KMT2E: variants seen among roughly 807,000 people sequenced by gnomAD.
The protein encoded by KMT2E is lysine methyltransferase 2E (inactive).
KMT2E carries 30 observed loss-of-function variants against 184.6 expected under a neutral mutation model. The observed-to-expected ratio is 0.16, with a 90% CI of 0.12 to 0.22. The LOEUF (loss-of-function observed/expected upper bound fraction) is 0.22, where lower values mean the gene tolerates loss of function less well. Ranked by LOEUF, KMT2E falls within the 10% of genes least tolerant of loss-of-function variation. The pLI, the probability that KMT2E is intolerant of heterozygous loss-of-function variation, is 1.00. For synonymous variants in KMT2E, 815 were observed against 776.5 expected (o/e 1.05, Z -0.82); for missense variants, 2,023 against 2,237.4 (o/e 0.90, Z 1.93).
chr7:105,056,686 T>A (rs1378562176), intron 3 of KMT2E, among the ~76,000 whole-genome samples: 1 of 152,244 alleles, frequency 6.6e-6, no homozygotes, highest in Non-Finnish European at 1.5e-5. Flanking sequence ...TATTGTGAAC[T>A]AAAGTTATAA....
At chr7:105,077,652 C>T in intron 11 of KMT2E, 1 of 451,324 alleles carries the variant, frequency 2.2e-6, no homozygotes, top group East Asian at 4.0e-5. Context: ...GTCTCTTGCT[C>T]ATGTCTGTCT....
chr7:105,101,581 GTTATTCAGGTATTAT>G lies in KMT2E; in HGVS notation c.1887+3_1887+17del. ...TACACAGATTGTCAGTGATGCTGAA[GTTATTCAGGTATTAT>G]TTATTCAGGTCGTTTTATTTTCTTA... On this transcript the variant is annotated splice_donor_variant and splice_donor_5th_base_variant and coding_sequence_variant and intron_variant, in exon 16 of 27. Coordinates refer to ENST00000311117, the MANE Select transcript of KMT2E (RefSeq NM_182931.3). LOFTEE classifies it high-confidence loss of function. The G allele has an allele frequency of 6.5e-7, 1 of 1,538,944 alleles. No individual in the cohort carries two copies.
chr7:105,077,149 T>A lies in KMT2E; in HGVS notation c.955T>A (p.Ser319Thr). 5 of 1,613,928 alleles carry A rather than the reference T, an allele frequency of 3.1e-6. No individual in the cohort carries two copies. Among genetic ancestry groups the A allele is most frequent in the Non-Finnish European group, 4.2e-6 (5 of 1,179,934 alleles). The change falls in exon 10 of 27, where the codon TCC becomes ACC. Residue 319 changes from serine (S) to threonine (T), a missense_variant. Transcript: ENST00000311117. ...NGNDKKEMNK[S>T]DLNTNNLLFK... ...AAATGACAAAAAAGAGATGAATAAA[T>A]CCGATTTGAATACCAACAATTTGCT... is the stretch of plus-strand genomic sequence containing the variant.
At chr7:105,058,833 A>G (rs1796677281) in intron 3 of KMT2E, among the ~76,000 whole-genome samples, 1 of 152,218 alleles carries the variant, frequency 6.6e-6, no homozygotes, top group East Asian at 1.9e-4. Context: ...TGCAATGAAT[A>G]TCTTTTGGGA....
chr7:105,071,580 GTGT>G (rs1797295714), intron 6 of KMT2E, among the ~76,000 whole-genome samples: 1 of 64,968 alleles, frequency 1.5e-5, no homozygotes, highest in South Asian at 5.1e-4. Context: ...GTATGTGTGT[GTGT>G]ATATATATAT....
intron 3 of KMT2E, among the ~76,000 whole-genome samples, chr7:105,052,080 T>G (rs1796374972): frequency 6.6e-6 from 1 of 152,190 alleles, no homozygotes; most frequent in Non-Finnish European, 1.5e-5. Context: ...TTCTCCCACT[T>G]AAAAAGCTTC....
chr7:105,020,870 AT>A (rs1397678364), intron 1 of KMT2E, among the ~76,000 whole-genome samples: 1 of 152,200 alleles, frequency 6.6e-6, no homozygotes, highest in Admixed American at 6.5e-5. Context: ...AGAATTAACC[AT>A]TACCACTTAG....
intron 17 of KMT2E, chr7:105,104,623 A>T (rs967760157): frequency 4.5e-4 from 68 of 151,938 alleles, no homozygotes; most frequent in African/African-American, 1.6e-3. Context: ...TGAGCCCAGG[A>T]GGTCGAGGCT....
chr7:105,059,724 T>A (rs868740954), intron 3 of KMT2E, among the ~76,000 whole-genome samples: 31 of 152,104 alleles, frequency 2.0e-4, no homozygotes, highest in African/African-American at 7.2e-4. Context: ...TATTTTCGGA[T>A]TTTAAAAAGC....
intron 15 of KMT2E, among the ~76,000 whole-genome samples, chr7:105,095,354 A>G (rs1346145218): frequency 6.6e-6 from 1 of 152,168 alleles, no homozygotes; most frequent in Non-Finnish European, 1.5e-5. Flanking sequence ...GCTTATGACA[A>G]AGTTTCATGG....
chr7:105,070,794 CAG>C (rs1797252961), intron 6 of KMT2E, among the ~76,000 whole-genome samples: 1 of 151,590 alleles, frequency 6.6e-6, no homozygotes, highest in Admixed American at 6.6e-5. Context: ...GCCTGGGCAA[CAG>C]AGGGAGACCC....
At chr7:105,022,836 G>A (rs1415584999) in intron 1 of KMT2E, among the ~76,000 whole-genome samples, 1 of 152,092 alleles carries the variant, frequency 6.6e-6, no homozygotes, top group African/African-American at 2.4e-5. Flanking sequence ...TTGGGATTGT[G>A]GGAGTTTCGT....
rs552422221 is a variant in KMT2E at position 105,031,351 on chromosome 7, C to A, written c.-188-6775C>A. On this transcript the variant is annotated intron_variant, in intron 1 of 26. Coordinates refer to ENST00000311117, the MANE Select transcript of KMT2E (RefSeq NM_182931.3). ...CAGCCTGGGCAACAAGAGCAAACTC[C>A]GTCTGAGGATTGGGGGGGTGGTGGG... Among the ~76,000 whole-genome samples, 42 of 105,364 alleles carry A rather than the reference C, an allele frequency of 4.0e-4. No homozygotes were observed. The South Asian group carries it at 1.0e-2, about 25-fold the overall frequency. The allele number at this position is 105,364 out of a possible 152,430, so 69.1% of individuals were successfully genotyped here. A position where few individuals can be genotyped will look rare whatever the true frequency, so the allele number is the denominator to read the frequency against.
intron 1 of KMT2E, among the ~76,000 whole-genome samples, 190 bp downstream of exon 1, chr7:105,014,725 G>A (rs947633849): frequency 4.6e-5 from 7 of 152,126 alleles, no homozygotes; most frequent in Admixed American, 4.6e-4. Flanking sequence ...CCTGACCCTA[G>A]AAATGGAGCA....
At chr7:105,071,582 G>GTGTATATATA (rs1398236878) in intron 6 of KMT2E, among the ~76,000 whole-genome samples, 3 of 34,930 alleles carry the variant, frequency 8.6e-5, no homozygotes, top group Non-Finnish European at 1.1e-4. Context: ...ATGTGTGTGT[G>GTGTATATATA]TATATATATA....
chr7:105,055,220 T>G (rs969447719), intron 3 of KMT2E, among the ~76,000 whole-genome samples: 4 of 148,910 alleles, frequency 2.7e-5, no homozygotes, highest in African/African-American at 9.8e-5. Context: ...TTTTTAGGTT[T>G]TTTTTTTTTT....
intron 3 of KMT2E, among the ~76,000 whole-genome samples, chr7:105,047,850 A>G (rs967976693): frequency 1.3e-5 from 2 of 152,240 alleles, no homozygotes; most frequent in Non-Finnish European, 2.9e-5. Context: ...TAAAACAGAT[A>G]AAAGGAAAAC....
chr7:105,028,872 T>A (rs1312824254), intron 1 of KMT2E, among the ~76,000 whole-genome samples: 1 of 152,166 alleles, frequency 6.6e-6, no homozygotes, highest in Non-Finnish European at 1.5e-5. Flanking sequence ...ATTAAAGTCA[T>A]TTGAAAATTT....
intron 1 of KMT2E, among the ~76,000 whole-genome samples, chr7:105,017,085 A>G (rs1794746269): frequency 1.3e-5 from 2 of 152,200 alleles, no homozygotes; most frequent in Admixed American, 1.3e-4. Flanking sequence ...TGCTGTGTAA[A>G]GATTGTGCAT....
Sources: gnomAD v4.1 joint callset for allele counts (sites outside exome capture counted in the v4.1 genomes callset) on GRCh38, gnomAD v4.1.1 for gene constraint, MANE v1.5 for transcripts, NCBI Gene and HGNC (gene_info 2026-07-23, HGNC 2026-07-21) for gene names.